Variants in PDE1C observed in about 807,000 individuals in gnomAD.
PDE1C encodes phosphodiesterase 1C, also known as dual specificity calcium/calmodulin-dependent 3',5'-cyclic nucleotide phosphodiesterase 1C.
Under a neutral mutation model 93.1 loss-of-function variants are expected in PDE1C, and 62 were observed. The observed-to-expected ratio is 0.67, with a 90% CI of 0.54 to 0.82. The LOEUF (loss-of-function observed/expected upper bound fraction) is 0.82. Among genes scored for constraint, PDE1C ranks in the 40% least tolerant of loss-of-function variants. The pLI, the probability that PDE1C is intolerant of heterozygous loss-of-function variation, is 0.00. For synonymous variants in PDE1C, 325 were observed against 310.1 expected, an observed-to-expected ratio of 1.05 and a Z score of -0.50; for missense variants, 742 against 884.6, an observed-to-expected ratio of 0.84 and a Z score of 2.04.
In PDE1C at chr7:32,353,550, G is replaced by GT. The variant is rs200562811; in HGVS notation, c.310+74271dup. Among the ~76,000 whole-genome samples the GT allele has an allele frequency of 8.3e-3, 295 of 35,750 alleles. 23 individuals are homozygous for GT. The highest frequency in any genetic ancestry group is 0.014 in the African/African-American group (269 of 19,418). The allele number at this position is 35,750 out of a possible 152,430, so 23.5% of individuals were successfully genotyped here. A position where few individuals can be genotyped will look rare whatever the true frequency, so the allele number is the denominator to read the frequency against. On this transcript the variant is annotated intron_variant, in intron 1 of 1. Coordinates refer to the PDE1C transcript ENST00000672256. The stretch of plus-strand genomic sequence containing the variant: ...TTTTAGTCTACAGGTATTGCCTGTA[G>GT]TTTTTGTTTTTTTTTTTTTTCTAGT...
chr7:31,712,258 G>A, the PDE1C span, among the ~76,000 whole-genome samples: 3 of 150,320 alleles, frequency 2.0e-5, no homozygotes, highest in South Asian at 6.3e-4. Context: ...TGCTGTAGAT[G>A]ATCAAAAAAT....
intron 16 of PDE1C, among the ~76,000 whole-genome samples, chr7:31,803,550 C>T (rs979497219): frequency 6.6e-6 from 1 of 151,864 alleles, no homozygotes; most frequent in African/African-American, 2.4e-5. Flanking sequence ...GCTATCCCTC[C>T]CCCAACCCCA....
intron 2 of PDE1C, among the ~76,000 whole-genome samples, chr7:31,930,323 CA>C (rs1183904695): frequency 1.3e-5 from 2 of 152,122 alleles, no homozygotes; most frequent in African/African-American, 4.8e-5. Context: ...CAAATTCCAC[CA>C]GAGGTACAAA....
intron 7 of PDE1C, among the ~76,000 whole-genome samples, chr7:31,860,710 T>G (rs933053421): frequency 7.9e-5 from 12 of 152,206 alleles, no homozygotes; most frequent in African/African-American, 2.7e-4. Flanking sequence ...AACTTTAATG[T>G]ATTCAAATTA....
At chr7:31,984,780 A>G (rs1783146602) in intron 2 of PDE1C, among the ~76,000 whole-genome samples, 1 of 152,236 alleles carries the variant, frequency 6.6e-6, no homozygotes, top group African/African-American at 2.4e-5. Context: ...CTCAGTTAAC[A>G]AAAACATTGA....
At chr7:32,095,385 G>A (rs989633436) in intron 3 of PDE1C, among the ~76,000 whole-genome samples, 2 of 152,156 alleles carry the variant, frequency 1.3e-5, no homozygotes, top group African/African-American at 4.8e-5. Context: ...GGCCGGACAT[G>A]GACTCCTGCC....
intron 2 of PDE1C, among the ~76,000 whole-genome samples, chr7:31,958,544 C>G (rs1025821549): frequency 6.6e-6 from 1 of 152,274 alleles, no homozygotes; most frequent in South Asian, 2.1e-4. Flanking sequence ...CTTCACATAT[C>G]AAGCATACCT....
intron 16 of PDE1C, chr7:31,787,125 T>C (rs1315294221): frequency 6.6e-6 from 1 of 152,170 alleles, no homozygotes; most frequent in Admixed American, 6.5e-5. Flanking sequence ...TGCTTTTTAC[T>C]TTACACTTTT....
the PDE1C span, among the ~76,000 whole-genome samples, chr7:31,735,080 T>C: frequency 6.6e-6 from 1 of 152,170 alleles, no homozygotes; most frequent in Non-Finnish European, 1.5e-5. Context: ...ATAGGTGATT[T>C]GTAAGCACTT....
the PDE1C span, among the ~76,000 whole-genome samples, chr7:31,689,976 G>A: frequency 6.6e-6 from 1 of 152,178 alleles, no homozygotes. Flanking sequence ...CCATAGACAA[G>A]ATGAGCTATG....
At chr7:31,636,701 G>A in the PDE1C span, among the ~76,000 whole-genome samples, 1 of 151,606 alleles carries the variant, frequency 6.6e-6, no homozygotes, top group African/African-American at 2.4e-5. Flanking sequence ...GGGCCCAGAA[G>A]CACATAAAGG....
the PDE1C span, among the ~76,000 whole-genome samples, chr7:31,622,059 C>T: frequency 7.1e-6 from 1 of 141,540 alleles, no homozygotes; most frequent in East Asian, 2.1e-4. Flanking sequence ...AGCTAACTAT[C>T]CTAAATATAT....
chr7:32,333,006 G>A (rs751083558), intron 1 of PDE1C, among the ~76,000 whole-genome samples: 7 of 152,016 alleles, frequency 4.6e-5, no homozygotes, highest in Admixed American at 2.0e-4. Context: ...TGTACTTTTC[G>A]ATTTGTCTGC....
intron 16 of PDE1C, among the ~76,000 whole-genome samples, chr7:31,782,734 A>G (rs1362518334): frequency 6.6e-6 from 1 of 152,238 alleles, no homozygotes; most frequent in Non-Finnish European, 1.5e-5. Flanking sequence ...CCCAACTTAA[A>G]TTTTTGGACT....
chr7:32,027,995 A>C (rs933206333), intron 2 of PDE1C, among the ~76,000 whole-genome samples: 10 of 152,142 alleles, frequency 6.6e-5, no homozygotes, highest in Admixed American at 6.6e-4. Context: ...GTCTCTAATA[A>C]ACAGGATGAT....
intron 1 of PDE1C, among the ~76,000 whole-genome samples, chr7:32,332,454 GTT>G (rs527649988): frequency 4.1e-5 from 6 of 146,840 alleles, no homozygotes; most frequent in African/African-American, 1.5e-4. Flanking sequence ...GATACAACAG[GTT>G]TTTTTTTTTA....
At chr7:31,852,055 T>C (rs745462677) in intron 7 of PDE1C, among the ~76,000 whole-genome samples, 9 of 152,212 alleles carry the variant, frequency 5.9e-5, no homozygotes, top group Non-Finnish European at 1.3e-4. Context: ...AATAGATTCA[T>C]ATGATTTAAG....
At chr7:31,900,093 C>T (rs1799788558) in intron 2 of PDE1C, among the ~76,000 whole-genome samples, 2 of 151,970 alleles carry the variant, frequency 1.3e-5, no homozygotes, top group Non-Finnish European at 2.9e-5. Flanking sequence ...ATACCATTGG[C>T]TAAATGTCTC....
the PDE1C span, among the ~76,000 whole-genome samples, chr7:31,730,572 T>C: frequency 6.6e-6 from 1 of 152,252 alleles, no homozygotes; most frequent in Non-Finnish European, 1.5e-5. Context: ...GTTAACTCAG[T>C]TAAATAAACA....
Sources: gnomAD v4.1 joint callset for allele counts (sites outside exome capture counted in the v4.1 genomes callset) on GRCh38, gnomAD v4.1.1 for gene constraint, MANE v1.5 for transcripts, NCBI Gene and HGNC (gene_info 2026-07-23, HGNC 2026-07-21) for gene names.